The following GALNTL6 variants were observed in gnomAD, a reference collection of about 807,000 sequenced individuals.
GALNTL6 encodes the protein polypeptide N-acetylgalactosaminyltransferase like 6.
In GALNTL6, 46 loss-of-function variants were observed where a neutral mutation model predicts 73.7. That is an observed-to-expected ratio of 0.62 (90% CI 0.49 to 0.80). The LOEUF is 0.80. Among genes scored for constraint, GALNTL6 ranks in the 30% least tolerant of loss-of-function variants. The pLI is 0.00. For synonymous variants in GALNTL6, 259 were observed against 263.7 expected (o/e 0.98, Z 0.17); for missense variants, 604 against 755.0 (o/e 0.80, Z 2.34).
intron 2 of GALNTL6, among the ~76,000 whole-genome samples, chr4:172,083,971 C>T (rs1028272174): frequency 3.6e-4 from 55 of 152,238 alleles, no homozygotes; most frequent in African/African-American, 1.3e-3. Flanking sequence ...CATGGAACTC[C>T]ATTATTTAAG....
At chr4:172,324,820 A>C (rs1333061275) in intron 4 of GALNTL6, among the ~76,000 whole-genome samples, 1 of 150,976 alleles carries the variant, frequency 6.6e-6, no homozygotes, top group Non-Finnish European at 1.5e-5. Flanking sequence ...GCATTTATAA[A>C]GGACTCATGA....
chr4:172,735,351 A>G (rs929802567), intron 5 of GALNTL6, among the ~76,000 whole-genome samples: 1 of 152,156 alleles, frequency 6.6e-6, no homozygotes, highest in African/African-American at 2.4e-5. Flanking sequence ...TGACTGCCCT[A>G]TTGGATTTCA....
chr4:172,342,834 T>G (rs548484967), intron 4 of GALNTL6, among the ~76,000 whole-genome samples: 1 of 152,206 alleles, frequency 6.6e-6, no homozygotes, highest in Non-Finnish European at 1.5e-5. Context: ...TCTAGGCCCC[T>G]GGGCTGCATG....
At chr4:172,451,837 C>A in intron 5 of GALNTL6, among the ~76,000 whole-genome samples, 1 of 151,914 alleles carries the variant, frequency 6.6e-6, no homozygotes, top group East Asian at 1.9e-4. Context: ...GAGACCCAGT[C>A]TCTATAAAAA....
At chr4:172,048,293 C>T (rs1205563051) in intron 2 of GALNTL6, among the ~76,000 whole-genome samples, 1 of 152,044 alleles carries the variant, frequency 6.6e-6, no homozygotes, top group Non-Finnish European at 1.5e-5. Context: ...AGACCAAACT[C>T]CATGAACTTA....
At chr4:172,364,949 T>C (rs1046345739) in intron 5 of GALNTL6, among the ~76,000 whole-genome samples, 9 of 152,154 alleles carry the variant, frequency 5.9e-5, no homozygotes, top group African/African-American at 2.2e-4. Flanking sequence ...AGACTATAAG[T>C]TCCATAAAGG....
chr4:172,069,548 C>CATATGTGTGTT (rs1553989767), intron 2 of GALNTL6, among the ~76,000 whole-genome samples: 67 of 42,908 alleles, frequency 1.6e-3, no homozygotes, highest in Non-Finnish European at 2.8e-3. Context: ...ATATATAACA[C>CATATGTGTGTT]ATATATGTTA....
chr4:171,911,444 G>A (rs564280739), intron 2 of GALNTL6, among the ~76,000 whole-genome samples: 21 of 152,284 alleles, frequency 1.4e-4, no homozygotes, highest in Non-Finnish European at 2.8e-4. Context: ...GAGCCACTGC[G>A]CCCAGCCCCT....
chr4:172,185,256 A>G (rs1359251713), intron 2 of GALNTL6, among the ~76,000 whole-genome samples: 2 of 152,214 alleles, frequency 1.3e-5, no homozygotes, highest in Admixed American at 6.5e-5. Flanking sequence ...ACTTTTGTAC[A>G]TGAAAAACAT....
chr4:172,736,238 C>T (rs1177795367), intron 5 of GALNTL6, among the ~76,000 whole-genome samples: 3 of 152,184 alleles, frequency 2.0e-5, no homozygotes, highest in Non-Finnish European at 2.9e-5. Flanking sequence ...TGTATTTCAT[C>T]CCTTATCTAC....
At chr4:172,167,685 G>A (rs549521331) in intron 2 of GALNTL6, among the ~76,000 whole-genome samples, 2 of 152,200 alleles carry the variant, frequency 1.3e-5, no homozygotes, top group East Asian at 3.9e-4. Context: ...CTGGCCGGGC[G>A]CGGTGGCTCA....
At chr4:171,870,007 T>C (rs1226429518) in intron 2 of GALNTL6, among the ~76,000 whole-genome samples, 3 of 152,174 alleles carry the variant, frequency 2.0e-5, no homozygotes, top group African/African-American at 7.2e-5. Context: ...CACCTTGCAC[T>C]ATCTGGTGAG....
At chr4:172,592,674 A>ATCTATCTG (rs1737689062) in intron 5 of GALNTL6, among the ~76,000 whole-genome samples, 1 of 141,334 alleles carries the variant, frequency 7.1e-6, no homozygotes, top group South Asian at 2.3e-4. Flanking sequence ...CTGTCTGTCT[A>ATCTATCTG]TCTATCTATC....
chr4:172,032,923 G>A (rs1353286262), intron 2 of GALNTL6, among the ~76,000 whole-genome samples: 2 of 151,930 alleles, frequency 1.3e-5, no homozygotes, highest in Non-Finnish European at 2.9e-5. Context: ...AATCTGATTG[G>A]AGAGATGAAA....
chr4:172,770,776 C>G (rs1176221550), intron 5 of GALNTL6, among the ~76,000 whole-genome samples: 1 of 152,112 alleles, frequency 6.6e-6, no homozygotes, highest in African/African-American at 2.4e-5. Flanking sequence ...CTAAAGTAAG[C>G]TAAGTAAAAC....
intron 5 of GALNTL6, among the ~76,000 whole-genome samples, chr4:172,737,589 C>A (rs907641710): frequency 1.3e-5 from 2 of 152,300 alleles, no homozygotes; most frequent in African/African-American, 4.8e-5. Flanking sequence ...TCAGAAAACT[C>A]ACAAATTGCC....
chr4:172,955,205 C>T (rs1309628083), intron 10 of GALNTL6, among the ~76,000 whole-genome samples: 8 of 152,052 alleles, frequency 5.3e-5, no homozygotes, highest in South Asian at 2.1e-4. Context: ...AGGCTGGGCA[C>T]GGTGGTTCAC....
At chr4:172,644,770 A>G (rs1313222286) in intron 5 of GALNTL6, among the ~76,000 whole-genome samples, 1 of 151,874 alleles carries the variant, frequency 6.6e-6, no homozygotes. Flanking sequence ...GCTAGGTCCT[A>G]TGGTAGGCAT....
intron 5 of GALNTL6, among the ~76,000 whole-genome samples, chr4:172,577,275 G>T (rs1736991329): frequency 6.6e-6 from 1 of 152,122 alleles, no homozygotes; most frequent in Non-Finnish European, 1.5e-5. Context: ...TTTTCAAAAG[G>T]TTTCTGAGAA....
Sources: gnomAD v4.1 joint callset for allele counts (sites outside exome capture counted in the v4.1 genomes callset) on GRCh38, gnomAD v4.1.1 for gene constraint, MANE v1.5 for transcripts, NCBI Gene and HGNC (gene_info 2026-07-23, HGNC 2026-07-21) for gene names.